STOX2: variants seen among roughly 807,000 people sequenced by gnomAD.
The protein encoded by STOX2 is storkhead-box protein 2.
Under a neutral mutation model 60.9 loss-of-function variants are expected in STOX2, and 28 were observed. The ratio of observed to expected loss-of-function variants is 0.46; its 90% CI spans 0.34 to 0.63. STOX2 has a LOEUF of 0.63. Among genes scored for constraint, STOX2 ranks in the 30% least tolerant of loss-of-function variants. STOX2 has a pLI of 0.01. For synonymous variants in STOX2, 472 were observed against 463.9 expected (o/e 1.02, Z -0.22); for missense variants, 1,024 against 1,187.7 (o/e 0.86, Z 2.03).
chr4:183,910,260 T>C (rs558692357), intron 1 of STOX2, among the ~76,000 whole-genome samples: 14 of 152,326 alleles, frequency 9.2e-5, no homozygotes, highest in South Asian at 4.1e-4. Flanking sequence ...GGGCATTTTC[T>C]AAAAGTAGAA....
chr4:183,823,107 T>C (rs1739340610), intron 1 of STOX2, among the ~76,000 whole-genome samples: 3 of 152,186 alleles, frequency 2.0e-5, no homozygotes, highest in African/African-American at 7.2e-5. Flanking sequence ...TTTAAAACTA[T>C]CACTTGGGCT....
intron 1 of STOX2, among the ~76,000 whole-genome samples, chr4:183,980,845 A>G (rs1732635665): frequency 6.6e-6 from 1 of 152,018 alleles, no homozygotes; most frequent in African/African-American, 2.4e-5. Context: ...TGCCACCTTC[A>G]TATTTTTTTC....
chr4:183,967,439 G>A (rs1297949919), intron 1 of STOX2, among the ~76,000 whole-genome samples: 1 of 151,966 alleles, frequency 6.6e-6, no homozygotes, highest in Non-Finnish European at 1.5e-5. Flanking sequence ...GAGTGAGAAT[G>A]TTTATCATCG....
intron 1 of STOX2, among the ~76,000 whole-genome samples, chr4:183,932,339 ATATG>A (rs1742452571): frequency 2.7e-4 from 10 of 36,934 alleles, no homozygotes. Context: ...TACATACAGT[ATATG>A]TATGTATACA....
At chr4:184,003,781 C>G (rs1733694531) in intron 2 of STOX2, among the ~76,000 whole-genome samples, 1 of 152,228 alleles carries the variant, frequency 6.6e-6, no homozygotes, top group Admixed American at 6.5e-5. Flanking sequence ...AGAAAGTCTG[C>G]TGACCCCTGG....
intron 1 of STOX2, among the ~76,000 whole-genome samples, chr4:183,947,090 GC>G: frequency 6.7e-6 from 1 of 149,102 alleles, no homozygotes; most frequent in African/African-American, 2.4e-5. Context: ...GGGGGGTGGG[GC>G]AAGGGGGCTC....
chr4:183,889,261 C>G (rs1044749353), intron 1 of STOX2, among the ~76,000 whole-genome samples: 1 of 151,924 alleles, frequency 6.6e-6, no homozygotes, highest in East Asian at 1.9e-4. Flanking sequence ...GGCCCTCATC[C>G]AGCATGACTG....
At chr4:183,959,199 G>A (rs1184636709) in intron 1 of STOX2, among the ~76,000 whole-genome samples, 1 of 152,004 alleles carries the variant, frequency 6.6e-6, no homozygotes, top group Non-Finnish European at 1.5e-5. Context: ...ACATAGCTTC[G>A]AATTTTCATT....
intron 1 of STOX2, among the ~76,000 whole-genome samples, chr4:183,949,422 A>G (rs951513142): frequency 5.3e-5 from 8 of 152,278 alleles, no homozygotes; most frequent in Admixed American, 3.9e-4. Flanking sequence ...AATTTAGGCC[A>G]GGCGTGGTGG....
rs1298717268 is a variant in STOX2 at position 184,010,343 on chromosome 4, G to A, written c.1505G>A (p.Gly502Asp). Reference sequence around the variant, plus strand: ...ATGGATAACTCCAAAGGCCCTCTGGGTGCTTCTTCTCTAGGGACGCCGGAA... The same window carrying A: ...ATGGATAACTCCAAAGGCCCTCTGGATGCTTCTTCTCTAGGGACGCCGGAA... ...RSMDNSKGPL[G>D]ASSLGTPEDL... Residue 502 changes from glycine to aspartate, a missense_variant, in exon 3 of 4, where the codon GGT (glycine) becomes GAT (aspartate). Transcript: ENST00000308497. This position sits in a 1 kb window ranked among gnomAD's most constrained non-coding sequence, Gnocchi z 4.5. 4 of 1,610,144 alleles carry A rather than the reference G, an allele frequency of 2.5e-6. No homozygotes were observed. In the African/African-American group the frequency reaches 4.0e-5, roughly 16 times the overall value.
At chr4:183,891,582 TACACTGG>T (rs973481107) in intron 1 of STOX2, among the ~76,000 whole-genome samples, 15 of 151,216 alleles carry the variant, frequency 9.9e-5, no homozygotes, top group African/African-American at 3.6e-4. Flanking sequence ...ATAAGAATGA[TACACTGG>T]ACTTTGGGGA....
chr4:183,846,031 A>G (rs934597298), intron 1 of STOX2, among the ~76,000 whole-genome samples: 1 of 152,168 alleles, frequency 6.6e-6, no homozygotes, highest in African/African-American at 2.4e-5. Context: ...TCTATCTTGG[A>G]ATGCCTTAAT....
intron 1 of STOX2, among the ~76,000 whole-genome samples, chr4:183,965,230 A>G (rs1023487252): frequency 6.6e-6 from 1 of 152,230 alleles, no homozygotes; most frequent in Non-Finnish European, 1.5e-5. Flanking sequence ...TTAGAACGAC[A>G]TTTGAATCCT....
chr4:183,844,749 G>A (rs1377894075), intron 1 of STOX2, among the ~76,000 whole-genome samples: 1 of 150,762 alleles, frequency 6.6e-6, no homozygotes, highest in Admixed American at 6.6e-5. Context: ...AAATGATTCA[G>A]CTTCATCTCA....
chr4:183,803,073 C>A (rs771982563), intron 1 of STOX2, among the ~76,000 whole-genome samples: 1 of 152,208 alleles, frequency 6.6e-6, no homozygotes, highest in South Asian at 2.1e-4. Context: ...TCACATCTTA[C>A]GTGGATGGCA....
intron 1 of STOX2, among the ~76,000 whole-genome samples, chr4:183,874,943 AAAAAAAAAAATAT>A (rs1740782413): frequency 1.1e-5 from 1 of 91,970 alleles, no homozygotes; most frequent in Non-Finnish European, 2.1e-5. Flanking sequence ...AAAAAAAAAA[AAAAAAAAAAATAT>A]ATATATATAT....
intron 1 of STOX2, among the ~76,000 whole-genome samples, chr4:184,000,683 GA>G (rs922963647): frequency 6.6e-6 from 1 of 152,172 alleles, no homozygotes; most frequent in African/African-American, 2.4e-5. Flanking sequence ...TTCCTTGGTG[GA>G]ACCTTGGAAA....
chr4:184,009,735 CGAG>C lies in STOX2; in HGVS notation c.900_902del (p.Glu300del). 2 of 1,613,654 alleles carry C rather than the reference CGAG, an allele frequency of 1.2e-6. No individual in the cohort carries two copies. Among genetic ancestry groups the C allele is most frequent in the Non-Finnish European group, 1.7e-6 (2 of 1,179,790 alleles). On this transcript the variant is annotated inframe_deletion, in exon 3 of 4. Transcript: ENST00000308497. The surrounding 1 kb of genome is among the most constrained non-coding windows in gnomAD (Gnocchi z 4.0). Reference sequence around the variant, plus strand: ...CTCCTGAAGAGTGGCCCCTGCGAGACGAGGACACGCCAGCTACGATCCCTCGGG... The same window carrying C: ...CTCCTGAAGAGTGGCCCCTGCGAGACGACACGCCAGCTACGATCCCTCGGG...
At chr4:183,848,489 A>G (rs1740036641) in intron 1 of STOX2, among the ~76,000 whole-genome samples, 1 of 152,220 alleles carries the variant, frequency 6.6e-6, no homozygotes, top group Admixed American at 6.5e-5. Context: ...ACTGGCCAAA[A>G]GAAGAGATTA....
Sources: gnomAD v4.1 joint callset for allele counts (sites outside exome capture counted in the v4.1 genomes callset) on GRCh38, gnomAD v4.1.1 for gene constraint, Gnocchi (gnomAD v3.1) non-coding constraint, MANE v1.5 for transcripts, NCBI Gene and HGNC (gene_info 2026-07-23, HGNC 2026-07-21) for gene names.